Variants in GALNT13 observed in about 807,000 individuals in gnomAD.
GALNT13 encodes UDP-GalNAc:polypeptide N-acetylgalactosaminyltransferase 13.
Under a neutral mutation model 64.2 loss-of-function variants are expected in GALNT13, and 28 were observed. The observed-to-expected ratio is 0.44, with a 90% CI of 0.32 to 0.60. GALNT13 has a LOEUF of 0.60. Ranked by LOEUF, GALNT13 falls within the 20% of genes least tolerant of loss-of-function variation. The pLI, the probability that GALNT13 is intolerant of heterozygous loss-of-function variation, is 0.05. For missense variants in GALNT13, 577 were observed against 669.8 expected (o/e 0.86, Z 1.53); for synonymous variants, 214 against 224.6 (o/e 0.95, Z 0.42).
At chr2:153,331,122 C>A in the GALNT13 span, among the ~76,000 whole-genome samples, 4,685 of 152,176 alleles carry the variant, frequency 0.031, 138 homozygotes, top group Non-Finnish European at 0.046. Context: ...AGAAGTGAAG[C>A]CTACATGATC....
chr2:154,074,874 A>G (rs1380014116), intron 3 of GALNT13, among the ~76,000 whole-genome samples: 2 of 151,872 alleles, frequency 1.3e-5, no homozygotes, highest in Non-Finnish European at 2.9e-5. Flanking sequence ...AAAATCCTCA[A>G]CATACTAGCC....
chr2:154,063,052 C>T (rs565997595), intron 3 of GALNT13, among the ~76,000 whole-genome samples: 1 of 151,896 alleles, frequency 6.6e-6, no homozygotes, highest in South Asian at 2.1e-4. Context: ...TTATTTATTT[C>T]TTTATTTTTT....
chr2:153,213,745 A>G, the GALNT13 span, among the ~76,000 whole-genome samples: 1 of 152,190 alleles, frequency 6.6e-6, no homozygotes, highest in African/African-American at 2.4e-5. Context: ...CTTCATCTCT[A>G]AAATGGACAC....
the GALNT13 span, among the ~76,000 whole-genome samples, chr2:153,352,891 C>T: frequency 1.1e-4 from 17 of 152,200 alleles, no homozygotes; most frequent in East Asian, 1.7e-3. Flanking sequence ...GAATGTCAAT[C>T]TGCCAACTTT....
At chr2:153,301,199 G>C in the GALNT13 span, among the ~76,000 whole-genome samples, 1 of 151,248 alleles carries the variant, frequency 6.6e-6, no homozygotes, top group Admixed American at 6.6e-5. Context: ...CTTACCAGCT[G>C]CACGAGAGGC....
chr2:153,576,900 T>C, the GALNT13 span, among the ~76,000 whole-genome samples: 4 of 152,226 alleles, frequency 2.6e-5, no homozygotes, highest in African/African-American at 9.6e-5. Flanking sequence ...CTTAAAGTCA[T>C]TGTTAGTGTT....
chr2:154,045,751 C>G (rs952285852), intron 3 of GALNT13, among the ~76,000 whole-genome samples: 9 of 152,134 alleles, frequency 5.9e-5, no homozygotes, highest in Non-Finnish European at 8.8e-5. Context: ...AAAAAACAAA[C>G]AAACCCTTCC....
At chr2:153,118,896 G>C in the GALNT13 span, among the ~76,000 whole-genome samples, 4 of 152,236 alleles carry the variant, frequency 2.6e-5, no homozygotes, top group East Asian at 7.8e-4. Context: ...ATCTCATCTT[G>C]AACTGTAGTT....
the GALNT13 span, among the ~76,000 whole-genome samples, chr2:153,703,434 T>C: frequency 2.6e-5 from 4 of 152,180 alleles, no homozygotes; most frequent in African/African-American, 7.2e-5. Context: ...ACTTCGCTTA[T>C]GTAAATTTTT....
chr2:154,169,813 A>T (rs1466360799), intron 4 of GALNT13, among the ~76,000 whole-genome samples: 1 of 152,106 alleles, frequency 6.6e-6, no homozygotes, highest in Non-Finnish European at 1.5e-5. Context: ...GTATTCAATG[A>T]TGAGTCTCCG....
chr2:153,504,533 G>A, the GALNT13 span, among the ~76,000 whole-genome samples: 16 of 152,196 alleles, frequency 1.1e-4, no homozygotes, highest in Admixed American at 7.2e-4. Context: ...TCATAGATGG[G>A]TTTTATTACC....
chr2:154,057,339 T>A (rs1699943620), intron 3 of GALNT13, among the ~76,000 whole-genome samples: 1 of 152,192 alleles, frequency 6.6e-6, no homozygotes, highest in African/African-American at 2.4e-5. Flanking sequence ...CTAAACCTTT[T>A]ATTTTAAAAC....
At chr2:153,421,096 G>A in the GALNT13 span, 1 of 259,960 alleles carries the variant, frequency 3.8e-6, no homozygotes, top group Non-Finnish European at 8.1e-6. Context: ...TTACCATAGT[G>A]AGAGTCACAT....
At chr2:153,229,016 G>A in the GALNT13 span, among the ~76,000 whole-genome samples, 1 of 151,862 alleles carries the variant, frequency 6.6e-6, no homozygotes, top group South Asian at 2.1e-4. Flanking sequence ...GGCTCTCTAA[G>A]ATAGCTAGAG....
chr2:153,878,484 A>T (rs531610860), intron 1 of GALNT13, among the ~76,000 whole-genome samples: 1 of 152,304 alleles, frequency 6.6e-6, no homozygotes, highest in South Asian at 2.1e-4. Flanking sequence ...AGTTTCAAAT[A>T]AAATTTGGAC....
At chr2:154,179,763 A>G (rs1189671323) in intron 4 of GALNT13, among the ~76,000 whole-genome samples, 1 of 151,886 alleles carries the variant, frequency 6.6e-6, no homozygotes, top group East Asian at 1.9e-4. Context: ...ATAAGCAGCA[A>G]AGCAGCTTCT....
the GALNT13 span, among the ~76,000 whole-genome samples, chr2:153,787,220 C>A: frequency 6.6e-6 from 1 of 152,074 alleles, no homozygotes; most frequent in African/African-American, 2.4e-5. Flanking sequence ...AGAGGGAGAA[C>A]AACTGCAAAT....
At chr2:153,186,463 A>C in the GALNT13 span, among the ~76,000 whole-genome samples, 1 of 152,196 alleles carries the variant, frequency 6.6e-6, no homozygotes, top group Admixed American at 6.5e-5. Flanking sequence ...ATTTAAGCTT[A>C]GTATGGTTAT....
At chr2:154,232,692 A>C (rs933719680) in intron 4 of GALNT13, among the ~76,000 whole-genome samples, 1 of 152,068 alleles carries the variant, frequency 6.6e-6, no homozygotes, top group African/African-American at 2.4e-5. Context: ...GAAGCAAGTT[A>C]CTTAACTGAT....
Sources: allele counts gnomAD v4.1 joint callset (sites outside exome capture counted in the v4.1 genomes callset), GRCh38; gene constraint gnomAD v4.1.1; transcripts MANE v1.5; gene names NCBI Gene and HGNC (gene_info 2026-07-23, HGNC 2026-07-21).